The following NELL1 variants were observed in gnomAD, a reference collection of about 807,000 sequenced individuals.
NELL1 encodes protein kinase C-binding protein NELL1.
NELL1 carries 76 observed loss-of-function variants against 107.4 expected under a neutral mutation model. The observed-to-expected ratio is 0.71, with a 90% CI of 0.59 to 0.86. The LOEUF is 0.86. Ranked by LOEUF, NELL1 falls within the 40% of genes least tolerant of loss-of-function variation. The probability of loss-of-function intolerance (pLI) is 0.00; values close to 1 mark genes in which losing one functional copy is unlikely to be tolerated. For missense variants in NELL1, 1,024 were observed against 1,005.5 expected (o/e 1.02, Z -0.25); for synonymous variants, 353 against 341.2 (o/e 1.03, Z -0.38).
At chr11:21,482,750 TAA>T (rs545059568) in intron 15 of NELL1, among the ~76,000 whole-genome samples, 20 of 137,618 alleles carry the variant, frequency 1.5e-4, no homozygotes, top group Non-Finnish European at 1.9e-4. Context: ...CTGGAGAGCT[TAA>T]AAAAAAAAAA....
chr11:21,370,716 T>C (rs1244533479), intron 14 of NELL1, 137 bp from the exon 15 acceptor site: 4 of 618,448 alleles, frequency 6.5e-6, no homozygotes, highest in Non-Finnish European at 8.5e-6. Flanking sequence ...TTTTTCTGTA[T>C]GGAATTTTTA....
chr11:21,025,725 A>G (rs1852799954), intron 12 of NELL1, among the ~76,000 whole-genome samples: 1 of 152,074 alleles, frequency 6.6e-6, no homozygotes, highest in Admixed American at 6.6e-5. Flanking sequence ...CCATGTTTAC[A>G]TCTGATTTCA....
chr11:20,728,396 G>A (rs902563861), intron 2 of NELL1, among the ~76,000 whole-genome samples: 4 of 151,908 alleles, frequency 2.6e-5, no homozygotes, highest in Admixed American at 1.3e-4. Context: ...GGTCAATGTC[G>A]AGAATGGTGT....
chr11:20,933,559 A>G (rs1419162476), intron 9 of NELL1, among the ~76,000 whole-genome samples: 1 of 152,142 alleles, frequency 6.6e-6, no homozygotes, highest in African/African-American at 2.4e-5. Context: ...GGGAGGAAGG[A>G]TCTTTGGGTG....
chr11:20,841,266 C>T (rs1453826627), intron 3 of NELL1, among the ~76,000 whole-genome samples: 1 of 151,566 alleles, frequency 6.6e-6, no homozygotes, highest in Non-Finnish European at 1.5e-5. Context: ...GGATAAGGCA[C>T]ATCCTCTCTT....
chr11:20,857,851 T>C (rs1848911712), intron 4 of NELL1, among the ~76,000 whole-genome samples: 1 of 152,166 alleles, frequency 6.6e-6, no homozygotes. Flanking sequence ...ATAGTTTCAG[T>C]TAGGGCCTAT....
At chr11:21,162,647 G>A (rs1856397944) in intron 13 of NELL1, among the ~76,000 whole-genome samples, 1 of 152,154 alleles carries the variant, frequency 6.6e-6, no homozygotes, top group Non-Finnish European at 1.5e-5. Flanking sequence ...AATGAAATTG[G>A]TAGAGTGTGA....
chr11:20,767,065 C>T (rs531061168), intron 2 of NELL1, among the ~76,000 whole-genome samples: 1 of 152,230 alleles, frequency 6.6e-6, no homozygotes, highest in Non-Finnish European at 1.5e-5. Flanking sequence ...ATTGATCAAT[C>T]ACGATAGTCT....
chr11:21,364,113 A>G (rs1196926891), intron 14 of NELL1, among the ~76,000 whole-genome samples: 2 of 152,146 alleles, frequency 1.3e-5, no homozygotes, highest in Non-Finnish European at 2.9e-5. Flanking sequence ...TTTCAGGAGT[A>G]ATGTAAAAGA....
At chr11:20,979,554 G>A (rs1258926874) in intron 12 of NELL1, among the ~76,000 whole-genome samples, 2 of 152,166 alleles carry the variant, frequency 1.3e-5, no homozygotes, top group South Asian at 2.1e-4. Context: ...TGGAAAACAC[G>A]TTCAAACTGA....
chr11:21,237,599 A>G (rs370345232), intron 14 of NELL1, among the ~76,000 whole-genome samples: 29 of 152,180 alleles, frequency 1.9e-4, no homozygotes, highest in African/African-American at 6.5e-4. Flanking sequence ...TTGAACAAAT[A>G]TTGATTGTGT....
At chr11:21,361,465 G>GTGATGGTC (rs935065260) in intron 14 of NELL1, among the ~76,000 whole-genome samples, 2 of 151,972 alleles carry the variant, frequency 1.3e-5, no homozygotes, top group Admixed American at 1.3e-4. Context: ...GCATGCCTAT[G>GTGATGGTC]TGATGGTCTT....
intron 9 of NELL1, among the ~76,000 whole-genome samples, chr11:20,937,508 T>G (rs896023577): frequency 6.6e-6 from 1 of 152,270 alleles, no homozygotes; most frequent in Non-Finnish European, 1.5e-5. Flanking sequence ...AGCTTCTTAC[T>G]ACATCAGTTC....
chr11:21,130,217 ATCC>A (rs1330606046), intron 13 of NELL1, among the ~76,000 whole-genome samples: 24 of 152,292 alleles, frequency 1.6e-4, no homozygotes, highest in African/African-American at 5.3e-4. Context: ...GCCCTTCTCT[ATCC>A]TGTGAGTATC....
At chr11:21,002,013 AG>A (rs1464260158) in intron 12 of NELL1, among the ~76,000 whole-genome samples, 4 of 152,216 alleles carry the variant, frequency 2.6e-5, no homozygotes. Flanking sequence ...CATTGGTTGA[AG>A]AACCTCAGCT....
intron 13 of NELL1, among the ~76,000 whole-genome samples, chr11:21,210,783 C>A (rs185290173): frequency 6.6e-6 from 1 of 152,080 alleles, no homozygotes; most frequent in Admixed American, 6.6e-5. Flanking sequence ...ATGGGGATAT[C>A]AACATGTCTT....
At chr11:20,921,545 A>G (rs555062498) in intron 7 of NELL1, among the ~76,000 whole-genome samples, 1 of 152,274 alleles carries the variant, frequency 6.6e-6, no homozygotes, top group South Asian at 2.1e-4. Context: ...GAAGAGAGAT[A>G]AAAGCTATAA....
At chr11:21,399,949 T>C (rs1469199305) in intron 15 of NELL1, among the ~76,000 whole-genome samples, 2 of 151,884 alleles carry the variant, frequency 1.3e-5, no homozygotes, top group Non-Finnish European at 2.9e-5. Context: ...TCCTCCTAGC[T>C]ACTTTAATGT....
chr11:21,180,882 T>C (rs897847632), intron 13 of NELL1, among the ~76,000 whole-genome samples: 1 of 150,428 alleles, frequency 6.6e-6, no homozygotes, highest in Non-Finnish European at 1.5e-5. Flanking sequence ...AAAAAAAAAA[T>C]GTTCTCTGCC....
Sources: allele counts gnomAD v4.1 joint callset (sites outside exome capture counted in the v4.1 genomes callset), GRCh38; gene constraint gnomAD v4.1.1; transcripts MANE v1.5; gene names NCBI Gene and HGNC (gene_info 2026-07-23, HGNC 2026-07-21).